Variants in STAT4 observed in about 807,000 individuals in gnomAD.
The protein encoded by STAT4 is signal transducer and activator of transcription 4.
A neutral mutation model predicts 110.5 loss-of-function variants in STAT4; 42 were observed. The observed-to-expected ratio is 0.38, with a 90% CI of 0.30 to 0.49. The LOEUF is 0.49. Among genes scored for constraint, STAT4 ranks in the 20% least tolerant of loss-of-function variants. The pLI is 0.95. For missense variants in STAT4, 632 were observed against 887.9 expected, an observed-to-expected ratio of 0.71 and a Z score of 3.66; for synonymous variants, 284 against 302.2, an observed-to-expected ratio of 0.94 and a Z score of 0.63.
intron 3 of STAT4, among the ~76,000 whole-genome samples, chr2:191,115,345 C>G (rs966744927): frequency 3.3e-5 from 5 of 152,140 alleles, no homozygotes; most frequent in Non-Finnish European, 7.4e-5. Flanking sequence ...TTGTTCAAGG[C>G]TCAGAGAGGA....
At chr2:191,100,148 T>C (rs1340618372) in intron 3 of STAT4, among the ~76,000 whole-genome samples, 3 of 152,294 alleles carry the variant, frequency 2.0e-5, no homozygotes, top group South Asian at 4.1e-4. Flanking sequence ...ATTATTCCAA[T>C]CTGAAGAAAT....
chr2:191,059,195 G>C lies in STAT4; in HGVS notation c.1035-426C>G, dbSNP rs73981220. ...GCTTTAATGATAAGTGTTTTATGGTGAACATACTAAGACAGAACTGTAGTA... is the reference window on the plus strand; with the variant it reads ...GCTTTAATGATAAGTGTTTTATGGTCAACATACTAAGACAGAACTGTAGTA... On this transcript the variant is annotated intron_variant, in intron 10 of 23. Transcript: ENST00000392320. The surrounding 1 kb of genome is among the most constrained non-coding windows in gnomAD (Gnocchi z 4.7). Among the ~76,000 whole-genome samples the C allele has an allele frequency of 1.5e-3, 235 of 152,150 alleles. No individual in the cohort carries two copies. Among genetic ancestry groups the C allele is most frequent in the African/African-American group, 5.5e-3 (227 of 41,508 alleles).
intron 18 of STAT4, among the ~76,000 whole-genome samples, chr2:191,034,303 G>A (rs1468831722): frequency 2.6e-5 from 4 of 151,706 alleles, no homozygotes; most frequent in East Asian, 3.9e-4. Context: ...GGTGCCTGTA[G>A]TCCCAGCTAA....
At position 191,060,166 on chromosome 2, in the gene STAT4, A is replaced by T. The variant is rs545345721; in HGVS notation, c.1035-1397T>A. 6.6e-6 allele frequency among the ~76,000 whole-genome samples: 1 copy of T among 152,300 alleles called. No individual in the cohort carries two copies. Among genetic ancestry groups the T allele is most frequent in the South Asian group, 2.1e-4 (1 of 4,826 alleles). ...TATGTCCCTGGCCATCAGTTCACACAACATGCAAGTGGTGCTGATTCAGAG... is the reference window on the plus strand; with the variant it reads ...TATGTCCCTGGCCATCAGTTCACACTACATGCAAGTGGTGCTGATTCAGAG... On this transcript the variant is annotated intron_variant, in intron 10 of 23. Transcript: ENST00000392320. The surrounding 1 kb of genome is among the most constrained non-coding windows in gnomAD (Gnocchi z 4.5).
At position 191,116,158 on chromosome 2, in the gene STAT4, G is replaced by A. The variant is rs374289178; in HGVS notation, c.273+30455C>T. Among the ~76,000 whole-genome samples the A allele has an allele frequency of 3.3e-5, 5 of 152,134 alleles. 1 individual carries two copies. In the East Asian group the frequency reaches 7.7e-4, roughly 23 times the overall value. ...AGGGCCGTGATGGACAAAGTCAATG[G>A]TACTCTTCCATTCCCAATGTGAAGC... is the stretch of plus-strand genomic sequence containing the variant. On this transcript the variant is annotated intron_variant, in intron 3 of 23. Transcript: ENST00000392320. This position sits in a 1 kb window ranked among gnomAD's most constrained non-coding sequence, Gnocchi z 4.1.
chr2:191,141,771 C>G (rs948224336), intron 3 of STAT4, among the ~76,000 whole-genome samples: 3 of 151,928 alleles, frequency 2.0e-5, no homozygotes, highest in Non-Finnish European at 4.4e-5. Context: ...GCTGGGATTA[C>G]AGGCGTGCAT....
chr2:191,137,331 C>CA (rs35298719), intron 3 of STAT4, among the ~76,000 whole-genome samples: 4 of 149,600 alleles, frequency 2.7e-5, no homozygotes, highest in African/African-American at 7.4e-5. Context: ...GGCTCCATCT[C>CA]AAAAAAAAGA....
chr2:191,132,776 A>T (rs1465643775), intron 3 of STAT4, among the ~76,000 whole-genome samples: 1 of 137,546 alleles, frequency 7.3e-6, no homozygotes, highest in Admixed American at 7.4e-5. Flanking sequence ...TTTTTTGGAG[A>T]CGGAGTCTCG....
chr2:191,064,989 T>A lies in STAT4; in HGVS notation c.631-31A>T, dbSNP rs1696948913. The A allele has an allele frequency of 2.0e-6, 3 of 1,500,218 alleles. No homozygotes were observed. In the African/African-American group the frequency reaches 4.3e-5, roughly 22 times the overall value. The allele number at this position is 1,500,218 out of a possible 1,614,324, so 92.9% of individuals were successfully genotyped here. A position where few individuals can be genotyped will look rare whatever the true frequency, so the allele number is the denominator to read the frequency against. The stretch of plus-strand genomic sequence containing the variant: ...AACAAAGGGGACTACTGAAGAGAGT[T>A]TCATAAGAAATAAGTCACTTAGAAT... On this transcript the variant is annotated intron_variant, in intron 7 of 23. Coordinates refer to ENST00000392320, the MANE Select transcript of STAT4 (RefSeq NM_003151.4).
intron 4 of STAT4, 108 bp downstream of exon 4, chr2:191,076,119 G>A: frequency 1.1e-6 from 1 of 879,670 alleles, no homozygotes; most frequent in Non-Finnish European, 1.8e-6. Flanking sequence ...CTCCCAAAGT[G>A]TTAGGATTAC....
At chr2:191,055,726 G>A (rs1312923915) in intron 13 of STAT4, among the ~76,000 whole-genome samples, 2 of 152,140 alleles carry the variant, frequency 1.3e-5, no homozygotes, top group South Asian at 2.1e-4. Flanking sequence ...ATGTGAAAAC[G>A]CTTTGCAAGA....
At chr2:191,095,142 C>A (rs1169643698) in intron 3 of STAT4, among the ~76,000 whole-genome samples, 1 of 152,066 alleles carries the variant, frequency 6.6e-6, no homozygotes, top group African/African-American at 2.4e-5. Context: ...GACTCCCACA[C>A]AATAATAACT....
chr2:191,111,294 C>T (rs1698415050), intron 3 of STAT4, among the ~76,000 whole-genome samples: 1 of 152,128 alleles, frequency 6.6e-6, no homozygotes, highest in African/African-American at 2.4e-5. Context: ...ATATAGTTAA[C>T]ATTTTAGGAA....
At chr2:191,130,473 C>T (rs1043916552) in intron 3 of STAT4, among the ~76,000 whole-genome samples, 2 of 151,612 alleles carry the variant, frequency 1.3e-5, no homozygotes, top group African/African-American at 2.4e-5. Flanking sequence ...CCGCCCGCCT[C>T]GGCCTCCCAA....
rs1361254389 is a variant in STAT4 at position 191,143,879 on chromosome 2, C to A, written c.273+2734G>T. ...CACCCTTCCCCGCAAAAAACACACA[C>A]AACTTAATGGGATTATAGTAGGTTA... On this transcript the variant is annotated intron_variant, in intron 3 of 23. Coordinates refer to ENST00000392320, the MANE Select transcript of STAT4 (RefSeq NM_003151.4). The surrounding 1 kb of genome is among the most constrained non-coding windows in gnomAD (Gnocchi z 5.6). Among the ~76,000 whole-genome samples the A allele has an allele frequency of 6.6e-6, 1 of 151,976 alleles. No individual in the cohort carries two copies. The highest frequency in any genetic ancestry group is 1.5e-5 in the Non-Finnish European group (1 of 68,012).
intron 5 of STAT4, among the ~76,000 whole-genome samples, chr2:191,072,119 C>A (rs946910248): frequency 6.6e-6 from 1 of 152,160 alleles, no homozygotes; most frequent in Non-Finnish European, 1.5e-5. Flanking sequence ...TAAAGATCTG[C>A]TCGGGGGTCC....
chr2:191,054,572 C>T (rs1220343519), intron 13 of STAT4, 38 bp from the exon 14 acceptor site: 1 of 1,587,976 alleles, frequency 6.3e-7, no homozygotes, highest in African/African-American at 1.4e-5. Context: ...GATGGAAAAG[C>T]ATTATCAGCT....
At position 191,113,125 on chromosome 2, in the gene STAT4, G is replaced by C. The variant is rs979953952; in HGVS notation, c.273+33488C>G. Among the ~76,000 whole-genome samples the C allele has an allele frequency of 4.1e-4, 63 of 152,186 alleles. No individual in the cohort carries two copies. Among genetic ancestry groups the C allele is most frequent in the Non-Finnish European group, 1.0e-4 (7 of 68,038 alleles). On this transcript the variant is annotated intron_variant, in intron 3 of 23. Transcript: ENST00000392320. The surrounding 1 kb of genome is among the most constrained non-coding windows in gnomAD (Gnocchi z 4.8). Reference sequence around the variant, plus strand: ...TTTGCCTACATGGTGTTGCCCACTTGTAACACCTGCTCACACCTTTGCTTA... The same window carrying C: ...TTTGCCTACATGGTGTTGCCCACTTCTAACACCTGCTCACACCTTTGCTTA...
rs750898220 is a variant in STAT4 at position 191,051,949 on chromosome 2, A to G, written c.1251+2541T>C. 1.6e-4 allele frequency among the ~76,000 whole-genome samples: 25 copies of G among 152,236 alleles called. No individual in the cohort carries two copies. The highest frequency in any genetic ancestry group is 2.9e-4 in the Non-Finnish European group (20 of 68,040). On this transcript the variant is annotated intron_variant, in intron 14 of 23. Coordinates refer to ENST00000392320, the MANE Select transcript of STAT4 (RefSeq NM_003151.4). This position sits in a 1 kb window ranked among gnomAD's most constrained non-coding sequence, Gnocchi z 5.6. Reference sequence around the variant, plus strand: ...TGTTGCAAGAGTTACAGAAATCAGTATTAGTGAAGCTCTTAGTGTCCAGTA... The same window carrying G: ...TGTTGCAAGAGTTACAGAAATCAGTGTTAGTGAAGCTCTTAGTGTCCAGTA...
Sources: allele counts gnomAD v4.1 joint callset (sites outside exome capture counted in the v4.1 genomes callset), GRCh38; gene constraint gnomAD v4.1.1; non-coding constraint Gnocchi (gnomAD v3.1); transcripts MANE v1.5; gene names NCBI Gene and HGNC (gene_info 2026-07-23, HGNC 2026-07-21).